Variants in HDAC9 observed in about 807,000 individuals in gnomAD.
HDAC9 encodes MEF-2 interacting transcription repressor (MITR) protein.
HDAC9 carries 41 observed loss-of-function variants against 139.4 expected under a neutral mutation model. The ratio of observed to expected loss-of-function variants is 0.29; its 90% confidence interval spans 0.23 to 0.38. The LOEUF (loss-of-function observed/expected upper bound fraction) is 0.38. Among genes scored for constraint, HDAC9 ranks in the 10% least tolerant of loss-of-function variants. The pLI is 1.00. For synonymous variants in HDAC9, 517 were observed against 476.2 expected (o/e 1.09, Z -1.12); for missense variants, 1,147 against 1,297.0 (o/e 0.88, Z 1.78).
At chr7:18,181,082 AC>A (rs1184229698) in intron 2 of HDAC9, among the ~76,000 whole-genome samples, 3 of 152,296 alleles carry the variant, frequency 2.0e-5, no homozygotes, top group East Asian at 3.9e-4. Flanking sequence ...CCATCTCAGA[AC>A]CTTTAAGCAT....
chr7:18,945,539 T>C (rs549652083), intron 23 of HDAC9, among the ~76,000 whole-genome samples: 1 of 152,372 alleles, frequency 6.6e-6, no homozygotes, highest in East Asian at 1.9e-4. Context: ...TTTTGTAATC[T>C]GTTTAAGTAT....
At chr7:18,198,980 T>C (rs1203802066) in intron 2 of HDAC9, among the ~76,000 whole-genome samples, 1 of 152,192 alleles carries the variant, frequency 6.6e-6, no homozygotes, top group Non-Finnish European at 1.5e-5. Context: ...GTACTCTCCA[T>C]GACCAATCTT....
At chr7:18,485,458 A>G (rs912317351) in intron 1 of HDAC9, among the ~76,000 whole-genome samples, 1 of 149,580 alleles carries the variant, frequency 6.7e-6, no homozygotes, top group African/African-American at 2.4e-5. Flanking sequence ...TATATTTATT[A>G]TATATATTTA....
intron 21 of HDAC9, among the ~76,000 whole-genome samples, chr7:18,861,197 CAT>C (rs758489292): frequency 2.8e-4 from 43 of 152,210 alleles, no homozygotes; most frequent in Non-Finnish European, 4.6e-4. Context: ...TGGGAAGGGA[CAT>C]ATATAATTAC....
chr7:18,092,399 C>CCTT (rs1782221044), intron 1 of HDAC9, among the ~76,000 whole-genome samples: 1 of 140,862 alleles, frequency 7.1e-6, no homozygotes, highest in Non-Finnish European at 1.5e-5. Context: ...TTCTTTCTTT[C>CCTT]TTTTTTTTTT....
intron 17 of HDAC9, among the ~76,000 whole-genome samples, chr7:18,808,742 C>A (rs1406325374): frequency 6.6e-6 from 1 of 151,842 alleles, no homozygotes; most frequent in Non-Finnish European, 1.5e-5. Context: ...TCAATTCAAT[C>A]CTATCAAAAT....
intron 2 of HDAC9, among the ~76,000 whole-genome samples, chr7:18,514,235 A>ATTC (rs1802484005): frequency 6.6e-6 from 1 of 152,216 alleles, no homozygotes; most frequent in African/African-American, 2.4e-5. Flanking sequence ...AAGTTATGTC[A>ATTC]TTCTTCTAAT....
At chr7:18,521,319 T>G (rs2128215539) in intron 2 of HDAC9, among the ~76,000 whole-genome samples, 1 of 152,326 alleles carries the variant, frequency 6.6e-6, no homozygotes, top group Non-Finnish European at 1.5e-5. Context: ...AGATGTTTAA[T>G]TTTATGTTGG....
chr7:18,218,140 C>A (rs1164112034), intron 2 of HDAC9, among the ~76,000 whole-genome samples: 3 of 152,090 alleles, frequency 2.0e-5, no homozygotes, highest in Non-Finnish European at 4.4e-5. Flanking sequence ...CTTTTATGAA[C>A]TACTTTCAGA....
At chr7:18,120,721 A>G (rs1338378936) in intron 1 of HDAC9, among the ~76,000 whole-genome samples, 4 of 152,214 alleles carry the variant, frequency 2.6e-5, no homozygotes, top group Non-Finnish European at 5.9e-5. Flanking sequence ...GGTGAAATAC[A>G]AAGTGTATAT....
intron 22 of HDAC9, among the ~76,000 whole-genome samples, chr7:18,933,582 C>T (rs1781414365): frequency 6.6e-6 from 1 of 151,946 alleles, no homozygotes; most frequent in Non-Finnish European, 1.5e-5. Flanking sequence ...ATATTTTTCA[C>T]ATATAAAGTT....
intron 17 of HDAC9, among the ~76,000 whole-genome samples, chr7:18,801,781 T>C (rs1380590742): frequency 1.3e-5 from 2 of 152,116 alleles, no homozygotes; most frequent in Non-Finnish European, 2.9e-5. Flanking sequence ...TTTGTATTTC[T>C]TTTTGAGTCA....
At chr7:18,927,365 G>T (rs1804327682) in intron 22 of HDAC9, among the ~76,000 whole-genome samples, 1 of 152,142 alleles carries the variant, frequency 6.6e-6, no homozygotes, top group South Asian at 2.1e-4. Flanking sequence ...CTGCTGGAGA[G>T]CCTCACAATA....
chr7:18,139,608 A>G (rs1044796917), intron 1 of HDAC9, among the ~76,000 whole-genome samples: 1 of 152,200 alleles, frequency 6.6e-6, no homozygotes, highest in African/African-American at 2.4e-5. Flanking sequence ...AGTAGGCTGA[A>G]TAATGGCACC....
At chr7:18,266,139 T>A (rs1795981342) in intron 2 of HDAC9, among the ~76,000 whole-genome samples, 1 of 152,206 alleles carries the variant, frequency 6.6e-6, no homozygotes, top group African/African-American at 2.4e-5. Flanking sequence ...ATTTTCCAAA[T>A]GCTGACACAC....
At chr7:18,859,720 A>C (rs1650190663) in intron 21 of HDAC9, among the ~76,000 whole-genome samples, 1 of 149,932 alleles carries the variant, frequency 6.7e-6, no homozygotes, top group South Asian at 2.1e-4. Context: ...ATTTACTTAC[A>C]GTAATGTTTG....
chr7:18,988,681 T>A (rs1785592474), intron 25 of HDAC9, among the ~76,000 whole-genome samples: 1 of 151,636 alleles, frequency 6.6e-6, no homozygotes, highest in Non-Finnish European at 1.5e-5. Flanking sequence ...TCTCCCATTA[T>A]TAATGTGTGG....
intron 22 of HDAC9, among the ~76,000 whole-genome samples, chr7:18,914,226 T>A (rs938444175): frequency 6.6e-6 from 1 of 151,622 alleles, no homozygotes; most frequent in Non-Finnish European, 1.5e-5. Context: ...TTCTTCTGCT[T>A]GATCTTGAAC....
At chr7:18,442,065 C>T (rs867041998) in intron 1 of HDAC9, among the ~76,000 whole-genome samples, 9 of 152,196 alleles carry the variant, frequency 5.9e-5, no homozygotes, top group Non-Finnish European at 1.0e-4. Context: ...CCCCTGTGCC[C>T]GGCTGGGACT....
Sources: gnomAD v4.1 joint callset for allele counts (sites outside exome capture counted in the v4.1 genomes callset) on GRCh38, gnomAD v4.1.1 for gene constraint, MANE v1.5 for transcripts, NCBI Gene and HGNC (gene_info 2026-07-23, HGNC 2026-07-21) for gene names.